The following SUGCT variants were observed in gnomAD, a reference collection of about 807,000 sequenced individuals.
SUGCT encodes succinyl-CoA:glutarate-CoA transferase, also known as succinyl-CoA:glutarate CoA-transferase.
Under a neutral mutation model 55.0 loss-of-function variants are expected in SUGCT, and 41 were observed. The observed-to-expected ratio is 0.74, with a 90% CI of 0.58 to 0.97. The LOEUF (loss-of-function observed/expected upper bound fraction) is 0.97, where lower values mean the gene tolerates loss of function less well. Among genes scored for constraint, SUGCT ranks in the 50% least tolerant of loss-of-function variants. The pLI is 0.00. For missense variants in SUGCT, 568 were observed against 547.8 expected (o/e 1.04, Z -0.37); for synonymous variants, 187 against 200.4 (o/e 0.93, Z 0.56).
chr7:40,173,739 G>C (rs1413471083), intron 1 of SUGCT, among the ~76,000 whole-genome samples: 2 of 151,900 alleles, frequency 1.3e-5, no homozygotes, highest in East Asian at 3.9e-4. Flanking sequence ...GTTGGACTAG[G>C]AAATCCAGCT....
At chr7:40,490,637 G>A (rs1481883063) in intron 11 of SUGCT, among the ~76,000 whole-genome samples, 5 of 152,078 alleles carry the variant, frequency 3.3e-5, no homozygotes, top group Admixed American at 3.3e-4. Flanking sequence ...TTACTAGTTG[G>A]ATTTCTTTGT....
At chr7:40,956,830 T>C in the SUGCT span, among the ~76,000 whole-genome samples, 1 of 152,192 alleles carries the variant, frequency 6.6e-6, no homozygotes, top group African/African-American at 2.4e-5. Context: ...TTTGTTCTCA[T>C]TGGTTTCAAA....
rs1794465051 is a variant in SUGCT, at chr7:40,860,752, T to A, written c.*273T>A. ...TTTTAAAAATAAAGTTTTAATTTTT[T>A]TCCTGGAAAAATGCACTCCTTATTC... On this transcript the variant is annotated 3_prime_UTR_variant, in exon 14 of 14. Coordinates refer to ENST00000335693, the MANE Select transcript of SUGCT (RefSeq NM_001193313.2). 1 of 288,104 alleles carries A rather than the reference T, an allele frequency of 3.5e-6. No homozygotes were observed. Among genetic ancestry groups the A allele is most frequent in the Non-Finnish European group, 6.4e-6 (1 of 157,328 alleles). 17.8% of individuals were successfully genotyped at this position (288,104 alleles called of 1,614,324 possible). A position where few individuals can be genotyped will look rare whatever the true frequency, so the allele number is the denominator to read the frequency against.
intron 12 of SUGCT, among the ~76,000 whole-genome samples, chr7:40,533,065 A>G (rs1794180140): frequency 6.6e-6 from 1 of 152,220 alleles, no homozygotes; most frequent in Admixed American, 6.5e-5. Flanking sequence ...TTGCTATAGT[A>G]ACTGTGCAAG....
chr7:40,795,489 C>T (rs928740009), intron 13 of SUGCT, among the ~76,000 whole-genome samples: 5 of 151,988 alleles, frequency 3.3e-5, no homozygotes, highest in African/African-American at 4.8e-5. Flanking sequence ...AAAATCTTCA[C>T]GAAAAAGAAC....
At chr7:40,535,967 T>C (rs1403699349) in intron 12 of SUGCT, among the ~76,000 whole-genome samples, 2 of 152,238 alleles carry the variant, frequency 1.3e-5, no homozygotes, top group Non-Finnish European at 2.9e-5. Context: ...TTATATGTCT[T>C]CTTTGGGGAA....
At chr7:40,592,319 A>G (rs1223258081) in intron 12 of SUGCT, among the ~76,000 whole-genome samples, 2 of 152,128 alleles carry the variant, frequency 1.3e-5, no homozygotes, top group African/African-American at 4.8e-5. Flanking sequence ...ATTCAAATAA[A>G]ATAATGGTGA....
chr7:40,516,248 G>A (rs758174486), intron 12 of SUGCT, among the ~76,000 whole-genome samples: 14 of 152,068 alleles, frequency 9.2e-5, no homozygotes, highest in Non-Finnish European at 1.8e-4. Context: ...GAGAGCATCT[G>A]GAAAAATGTC....
chr7:40,979,031 T>G, the SUGCT span, among the ~76,000 whole-genome samples: 1 of 152,184 alleles, frequency 6.6e-6, no homozygotes, highest in East Asian at 1.9e-4. Flanking sequence ...ACCTTCCTGA[T>G]TGGGAGTTGG....
At chr7:40,349,381 C>T (rs1474875403) in intron 9 of SUGCT, among the ~76,000 whole-genome samples, 1 of 152,070 alleles carries the variant, frequency 6.6e-6, no homozygotes, top group Non-Finnish European at 1.5e-5. Flanking sequence ...AGAGTCTTGG[C>T]TCTGTTGCCC....
intron 5 of SUGCT, 117 bp downstream of exon 5, chr7:40,189,711 A>G: frequency 2.7e-6 from 1 of 370,394 alleles, no homozygotes; most frequent in Non-Finnish European, 4.9e-6. Flanking sequence ...TTTGCAACAA[A>G]TACCTTTTAA....
At chr7:40,884,095 A>G in the SUGCT span, among the ~76,000 whole-genome samples, 1 of 152,290 alleles carries the variant, frequency 6.6e-6, no homozygotes, top group East Asian at 1.9e-4. Context: ...CCTAGGCAAG[A>G]TTTATGTTCC....
intron 12 of SUGCT, among the ~76,000 whole-genome samples, chr7:40,743,577 T>G (rs4720372): frequency 0.013 from 2,053 of 152,296 alleles, 143 homozygotes; most frequent in East Asian, 0.092. Context: ...GGCATGACCT[T>G]GAGTTTTCTG....
chr7:40,351,478 T>G (rs73688056), intron 9 of SUGCT, among the ~76,000 whole-genome samples: 2,282 of 152,292 alleles, frequency 0.015, 49 homozygotes, highest in South Asian at 0.058. Context: ...TAGCAAAATG[T>G]ACTTATAATA....
intron 13 of SUGCT, among the ~76,000 whole-genome samples, chr7:40,823,551 C>T (rs1227977158): frequency 2.0e-5 from 3 of 152,076 alleles, no homozygotes; most frequent in African/African-American, 7.2e-5. Context: ...CCTTTTCCTC[C>T]ACCTAACTCT....
chr7:40,660,496 A>G (rs1345514471), intron 12 of SUGCT, among the ~76,000 whole-genome samples: 1 of 152,092 alleles, frequency 6.6e-6, no homozygotes, highest in Non-Finnish European at 1.5e-5. Context: ...TGATCTCGTG[A>G]TCTGCCCGCC....
the SUGCT span, among the ~76,000 whole-genome samples, chr7:40,913,931 A>G: frequency 6.6e-6 from 1 of 152,384 alleles, no homozygotes; most frequent in African/African-American, 2.4e-5. Context: ...CAGTGGAGTC[A>G]GGAAAACAAA....
At chr7:40,755,467 T>C (rs995935744) in intron 13 of SUGCT, among the ~76,000 whole-genome samples, 9 of 152,204 alleles carry the variant, frequency 5.9e-5, no homozygotes, top group Admixed American at 6.5e-5. Context: ...TTTGTGACTT[T>C]AGTGGGAAGA....
the SUGCT span, among the ~76,000 whole-genome samples, chr7:41,020,756 A>G: frequency 3.4e-4 from 52 of 152,208 alleles, no homozygotes; most frequent in Non-Finnish European, 6.2e-4. Flanking sequence ...ATCTCTTCTC[A>G]CAAATATACA....
Sources: gnomAD v4.1 joint callset for allele counts (sites outside exome capture counted in the v4.1 genomes callset) on GRCh38, gnomAD v4.1.1 for gene constraint, MANE v1.5 for transcripts, NCBI Gene and HGNC (gene_info 2026-07-23, HGNC 2026-07-21) for gene names.